Variants in C3 observed in about 807,000 individuals in gnomAD.
C3 encodes complement C3.
C3 carries 97 observed loss-of-function variants against 207.9 expected under a neutral mutation model. That is an observed-to-expected ratio of 0.47 (90% CI 0.40 to 0.55). The LOEUF is 0.55. Among genes scored for constraint, C3 ranks in the 20% least tolerant of loss-of-function variants. The pLI is 0.00. For missense variants in C3, 1,684 were observed against 2,171.7 expected, an observed-to-expected ratio of 0.78 and a Z score of 4.46; for synonymous variants, 848 against 857.6, an observed-to-expected ratio of 0.99 and a Z score of 0.20.
intron 19 of C3, among the ~76,000 whole-genome samples, chr19:6,701,243 C>A (rs551779370): frequency 4.8e-4 from 73 of 152,248 alleles, no homozygotes; most frequent in Admixed American, 4.8e-3. Flanking sequence ...TCCGAAAACA[C>A]CCTAGAGTTG....
At chr19:6,712,850 C>T (rs557691637) in intron 9 of C3, among the ~76,000 whole-genome samples, 33 of 151,586 alleles carry the variant, frequency 2.2e-4, no homozygotes, top group East Asian at 1.4e-3. Context: ...CCCATCAGAC[C>T]GGACCCCACC....
chr19:6,702,088 G>T (rs774242223), intron 19 of C3, 39 bp downstream of exon 19: 1 of 1,085,506 alleles, frequency 9.2e-7, no homozygotes, highest in South Asian at 1.2e-5. Flanking sequence ...ACACCCTGGG[G>T]TCCCTGCCTC....
At chr19:6,685,240 A>G in intron 29 of C3, 94 bp from the exon 30 acceptor site, 1 of 1,203,498 alleles carries the variant, frequency 8.3e-7, no homozygotes, top group Non-Finnish European at 1.2e-6. Context: ...CAGAGCTGGG[A>G]CATCAAAATG....
At chr19:6,709,464 C>CAA (rs1307188025) in intron 14 of C3, among the ~76,000 whole-genome samples, 106 of 151,700 alleles carry the variant, frequency 7.0e-4, no homozygotes, top group African/African-American at 2.5e-3. Flanking sequence ...AACAAACAAA[C>CAA]AGAAAAAAAA....
In C3 at chr19:6,719,993, C is replaced by T. The variant is rs11569403; in HGVS notation, c.74+523G>A. 6.6e-6 allele frequency among the ~76,000 whole-genome samples: 1 copy of T among 152,124 alleles called. No individual in the cohort carries two copies. The highest frequency in any genetic ancestry group is 1.5e-5 in the Non-Finnish European group (1 of 68,038). ...CCGAAGTAGCCAATCTTTAAACCCACACTGAAAATTGCAAGTCCCCAAGCT... is the reference window on the plus strand; with the variant it reads ...CCGAAGTAGCCAATCTTTAAACCCATACTGAAAATTGCAAGTCCCCAAGCT... On this transcript the variant is annotated intron_variant, in intron 1 of 40. Coordinates refer to ENST00000245907, the MANE Select transcript of C3 (RefSeq NM_000064.4). The surrounding 1 kb of genome is among the most constrained non-coding windows in gnomAD (Gnocchi z 5.4).
At position 6,697,703 on chromosome 19, in the gene C3, C is replaced by A; in HGVS notation, c.2532G>T (p.Gln844His). 1 of 1,614,108 alleles carries A rather than the reference C, an allele frequency of 6.2e-7. No individual in the cohort carries two copies. The highest frequency in any genetic ancestry group is 8.5e-7 in the Non-Finnish European group (1 of 1,180,024). Residue 844 changes from glutamine to histidine, a missense_variant, in exon 20 of 41, where the codon CAG (glutamine) becomes CAT (histidine). This residue lies in a region of C3 where 1,280 missense variants were observed against 1,739.1 expected (regional missense o/e 0.74). Transcript: ENST00000245907. The part of the protein sequence containing the change: ...RLPYSVVRNE[Q>H]VEIRAVLYNY... ...TGTAGAGAACGGCTCGGATTTCCAC[C>A]TGCTCGTTTCGAACAACAGAGTAGG...
At chr19:6,709,903 G>A in intron 13 of C3, 61 bp from the exon 14 acceptor site, 12 of 1,570,918 alleles carry the variant, frequency 7.6e-6, no homozygotes, top group Non-Finnish European at 9.6e-6. Context: ...TGCCTGGGAT[G>A]GAGTGGGTGC....
intron 27 of C3, among the ~76,000 whole-genome samples, chr19:6,689,594 C>T (rs899561631): frequency 6.6e-6 from 1 of 152,030 alleles, no homozygotes; most frequent in Non-Finnish European, 1.5e-5. Context: ...GCCTGTAATC[C>T]GAGCACTTTG....
chr19:6,719,070 A>G lies in C3; in HGVS notation c.267+141T>C, dbSNP rs1367983495. 1 of 712,670 alleles carries G rather than the reference A, an allele frequency of 1.4e-6. No homozygotes were observed. The highest frequency in any genetic ancestry group is 1.4e-5 in the South Asian group (1 of 69,046). The allele number at this position is 712,670 out of a possible 1,614,324, so 44.1% of individuals were successfully genotyped here. On this transcript the variant is annotated intron_variant, in intron 2 of 40. Coordinates refer to ENST00000245907, the MANE Select transcript of C3 (RefSeq NM_000064.4). This position sits in a 1 kb window ranked among gnomAD's most constrained non-coding sequence, Gnocchi z 5.4. ...TCAGAGAAGGGAGGGGCTTAGAAGG[A>G]GAGGCGACTCCGAAGGGGTGGAGTC...
chr19:6,690,674 G>A lies in C3; in HGVS notation c.3444C>T (p.Leu1148=), dbSNP rs764039357. 6.2e-7 allele frequency: 1 copy of A among 1,614,226 alleles called. No homozygotes were observed. ...TATCTTTAGCCTCCTGCAGCGAGAT[G>A]AGAACAAAGGCCGTGAGGGCCATGT... ...EKDMALTAFV[L]ISLQEAKDIC... The change falls in exon 27 of 41, where the codon CTC becomes CTT. Residue 1148 remains leucine (L), a synonymous_variant. Coordinates refer to ENST00000245907, the MANE Select transcript of C3 (RefSeq NM_000064.4).
intron 25 of C3, 113 bp downstream of exon 25, chr19:6,693,299 C>G (rs569374872): frequency 2.4e-4 from 287 of 1,197,372 alleles, no homozygotes; most frequent in Middle Eastern, 7.7e-4. Context: ...TCTGCAGGTC[C>G]AGGGCTGTTT....
intron 12 of C3, 47 bp downstream of exon 12, chr19:6,710,940 A>G (rs1370530860): frequency 1.2e-6 from 2 of 1,606,078 alleles, no homozygotes; most frequent in Non-Finnish European, 1.7e-6. Context: ...GGGGTGCGGA[A>G]GAAACAAGGA....
chr19:6,697,385 G>A lies in C3; in HGVS notation c.2755C>T (p.His919Tyr). 1 of 1,614,118 alleles carries A rather than the reference G, an allele frequency of 6.2e-7. No homozygotes were observed. Among genetic ancestry groups the A allele is most frequent in the South Asian group, 1.1e-5 (1 of 91,076 alleles). The change falls in exon 21 of 41, where the codon CAT becomes TAT. Residue 919 changes from histidine to tyrosine, a missense_variant. His to Tyr is a moderately conservative substitution (Grantham distance 83). Around this residue, in one of 3 missense-constraint regions of C3, gnomAD observed 1,280 missense variants for 1,739.1 expected, o/e 0.74. Coordinates refer to ENST00000245907, the MANE Select transcript of C3 (RefSeq NM_000064.4). ...TTCCTGACACCGTCACTGATGAAAT[G>A]ATGGTAGACAGCAGCCTTGACTTCC... Reference protein sequence around the residue: ...EVEVKAAVYHHFISDGVRKSL... With the variant: ...EVEVKAAVYHYFISDGVRKSL...
chr19:6,689,354 TCC>T (rs772102600), intron 27 of C3, among the ~76,000 whole-genome samples: 74 of 29,104 alleles, frequency 2.5e-3, no homozygotes, highest in East Asian at 0.012. Flanking sequence ...CCTCCCTCCC[TCC>T]CTCCCTCTCT....
At chr19:6,689,422 C>A (rs1918116698) in intron 27 of C3, among the ~76,000 whole-genome samples, 1 of 146,122 alleles carries the variant, frequency 6.8e-6, no homozygotes, top group African/African-American at 2.5e-5. Context: ...GAGGCAACAG[C>A]CCTGTGTTTG....
intron 7 of C3, 109 bp from the exon 8 acceptor site, chr19:6,713,618 C>CG (rs1967966598): frequency 2.3e-6 from 2 of 863,298 alleles, no homozygotes; most frequent in African/African-American, 3.4e-5. Flanking sequence ...CACTGCTGGC[C>CG]TCTCACCTGG....
chr19:6,679,109 C>G lies in C3; in HGVS notation c.4630+16G>C. On this transcript the variant is annotated intron_variant, in intron 38 of 40. Coordinates refer to ENST00000245907, the MANE Select transcript of C3 (RefSeq NM_000064.4). ...CACAGCTAAACATGCGTGACCCCCA[C>G]CCATCACCCACTCACCATAGTCCAC... 6.3e-7 allele frequency: 1 copy of G among 1,597,364 alleles called. No individual in the cohort carries two copies.
At chr19:6,706,611 C>T (rs1005138290) in intron 17 of C3, among the ~76,000 whole-genome samples, 8 of 151,862 alleles carry the variant, frequency 5.3e-5, no homozygotes, top group African/African-American at 1.9e-4. Flanking sequence ...CTCCTCCTAC[C>T]CTCTCAGACA....
At chr19:6,693,143 C>A in intron 25 of C3, 60 bp from the exon 26 acceptor site, 1 of 1,588,612 alleles carries the variant, frequency 6.3e-7, no homozygotes, top group African/African-American at 1.3e-5. Context: ...GCCATGTCAA[C>A]CAGCCAATGA....
Sources: gnomAD v4.1 joint callset for allele counts (sites outside exome capture counted in the v4.1 genomes callset) on GRCh38, gnomAD v4.1.1 for gene constraint, gnomAD v4.1.1 regional missense constraint, Gnocchi (gnomAD v3.1) non-coding constraint, MANE v1.5 for transcripts, NCBI Gene and HGNC (gene_info 2026-07-23, HGNC 2026-07-21) for gene names.